RTF1: variants seen among roughly 807,000 people sequenced by gnomAD.
The protein encoded by RTF1 is RNA polymerase-associated protein RTF1 homolog.
RTF1 carries 10 observed loss-of-function variants against 95.7 expected under a neutral mutation model. The observed-to-expected ratio is 0.10, with a 90% confidence interval of 0.06 to 0.18. RTF1 has a LOEUF of 0.18. RTF1 is among the 10% of genes least tolerant of loss of function. The probability of loss-of-function intolerance (pLI) is 1.00; values close to 1 mark genes in which losing one functional copy is unlikely to be tolerated. For missense variants in RTF1, 458 were observed against 875.6 expected, an observed-to-expected ratio of 0.52 and a Z score of 6.02; for synonymous variants, 305 against 311.8, an observed-to-expected ratio of 0.98 and a Z score of 0.23.
At chr15:41,433,359 G>C (rs2050685363) in intron 1 of RTF1, among the ~76,000 whole-genome samples, 1 of 152,158 alleles carries the variant, frequency 6.6e-6, no homozygotes, top group African/African-American at 2.4e-5. Flanking sequence ...TTTTGAGACA[G>C]AGTCTCACTC....
At chr15:41,438,529 CA>C in intron 2 of RTF1, 98 bp downstream of exon 2, 1 of 711,348 alleles carries the variant, frequency 1.4e-6, no homozygotes. Flanking sequence ...TGGAGACTTA[CA>C]GCCTAAGATC....
chr15:41,469,523 C>G (rs563590767), intron 6 of RTF1, among the ~76,000 whole-genome samples: 2 of 150,152 alleles, frequency 1.3e-5, no homozygotes, highest in Non-Finnish European at 3.0e-5. Flanking sequence ...TGCCTGGCCA[C>G]GTTCCTTTTT....
At chr15:41,422,305 T>A (rs1347245483) in intron 1 of RTF1, among the ~76,000 whole-genome samples, 1 of 152,194 alleles carries the variant, frequency 6.6e-6, no homozygotes, top group African/African-American at 2.4e-5. Context: ...TGAAAGTTTT[T>A]AAAACTAAGA....
rs981860657 is a variant in RTF1 at position 41,483,104 on chromosome 15, G to C, written c.*2417G>C. On this transcript the variant is annotated 3_prime_UTR_variant, in exon 18 of 18. Coordinates refer to ENST00000389629, the MANE Select transcript of RTF1 (RefSeq NM_015138.5). ...AAGACCGAAGGGTATCTTTCCACCC[G>C]AGTAGCCTCTGTAGTGATTGGGACC... 4 of 152,624 alleles carry C rather than the reference G, an allele frequency of 2.6e-5. No individual in the cohort carries two copies. Among genetic ancestry groups the C allele is most frequent in the Admixed American group, 2.0e-4 (3 of 15,272 alleles). The allele number at this position is 152,624 out of a possible 1,614,324, so 9.5% of individuals were successfully genotyped here.
intron 8 of RTF1, among the ~76,000 whole-genome samples, chr15:41,473,567 T>G (rs1206084310): frequency 1.3e-5 from 2 of 151,932 alleles, no homozygotes; most frequent in Admixed American, 1.3e-4. Flanking sequence ...TGAGACACTG[T>G]GCCCAGCCTG....
chr15:41,471,459 A>C (rs2050911225), intron 8 of RTF1, 110 bp downstream of exon 8: 1 of 1,132,874 alleles, frequency 8.8e-7, no homozygotes, highest in East Asian at 2.6e-5. Context: ...CATTTGATGG[A>C]AAGTAGACTC....
intron 1 of RTF1, among the ~76,000 whole-genome samples, chr15:41,431,218 CTT>C (rs543088486): frequency 3.1e-5 from 4 of 129,920 alleles, no homozygotes; most frequent in Non-Finnish European, 1.6e-5. Flanking sequence ...TTTCTTTTTT[CTT>C]TTTTTTTTTT....
At chr15:41,443,492 A>G (rs1273693083) in intron 2 of RTF1, among the ~76,000 whole-genome samples, 2 of 152,156 alleles carry the variant, frequency 1.3e-5, no homozygotes, top group Admixed American at 1.3e-4. Flanking sequence ...TCTCCTTGAA[A>G]GCATTTGATC....
Position 41,466,044 on chromosome 15 carries a change from T to G in RTF1, c.778-97T>G. ...AAGCTCTAAGTTTTTGCAGCCCATATAGATTGATGTTGGAGGACTAAATGC... is the reference window on the plus strand; with the variant it reads ...AAGCTCTAAGTTTTTGCAGCCCATAGAGATTGATGTTGGAGGACTAAATGC... On this transcript the variant is annotated intron_variant, in intron 5 of 17. Coordinates refer to ENST00000389629, the MANE Select transcript of RTF1 (RefSeq NM_015138.5). 6.8e-6 allele frequency: 5 copies of G among 738,064 alleles called. No homozygotes were observed. In the Admixed American group the frequency reaches 1.5e-4, roughly 22 times the overall value. The allele number at this position is 738,064 out of a possible 1,614,324, so 45.7% of individuals were successfully genotyped here.
intron 1 of RTF1, among the ~76,000 whole-genome samples, chr15:41,430,611 C>A (rs1046013929): frequency 2.6e-5 from 4 of 151,550 alleles, no homozygotes; most frequent in African/African-American, 9.7e-5. Context: ...CGTGGTGGTG[C>A]ATGCCTGTAG....
chr15:41,471,141 AT>A (rs1486704644), intron 7 of RTF1, 30 bp from the exon 8 acceptor site: 3 of 1,558,498 alleles, frequency 1.9e-6, no homozygotes, highest in Non-Finnish European at 2.6e-6. Context: ...TATGATGAAC[AT>A]TTTTTCCAGT....
At chr15:41,424,149 A>C (rs1383822267) in intron 1 of RTF1, among the ~76,000 whole-genome samples, 1 of 152,226 alleles carries the variant, frequency 6.6e-6, no homozygotes, top group Non-Finnish European at 1.5e-5. Context: ...CAAGGAGTGT[A>C]AAGTGGAATG....
intron 16 of RTF1, 65 bp downstream of exon 16, chr15:41,479,263 C>A: frequency 8.7e-7 from 1 of 1,153,838 alleles, no homozygotes; most frequent in Non-Finnish European, 1.3e-6. Context: ...GAACAAGTAC[C>A]TTGTCTAGTT....
At position 41,482,147 on chromosome 15, in the gene RTF1, C is replaced by G. The variant is rs2050979820; in HGVS notation, c.*1460C>G. The G allele has an allele frequency of 1.3e-5, 2 of 152,426 alleles. No individual in the cohort carries two copies. Among genetic ancestry groups the G allele is most frequent in the Non-Finnish European group, 2.9e-5 (2 of 68,052 alleles). The allele number at this position is 152,426 out of a possible 1,614,324, so 9.4% of individuals were successfully genotyped here. ...GTGTGTGTGTATACATATATATGGT[C>G]AGCATATATATTGTGCAGCTAGGGC... On this transcript the variant is annotated 3_prime_UTR_variant, in exon 18 of 18. Coordinates refer to ENST00000389629, the MANE Select transcript of RTF1 (RefSeq NM_015138.5).
intron 1 of RTF1, among the ~76,000 whole-genome samples, chr15:41,428,563 C>T (rs1193411799): frequency 6.0e-5 from 9 of 150,570 alleles, no homozygotes; most frequent in South Asian, 2.1e-4. Flanking sequence ...CTACCGTGTC[C>T]GGCCCCCTAC....
chr15:41,446,627 G>A (rs944130857), intron 2 of RTF1, among the ~76,000 whole-genome samples: 10 of 152,014 alleles, frequency 6.6e-5, no homozygotes, highest in Middle Eastern at 3.2e-3. Flanking sequence ...TCTAGTGTGC[G>A]CTAAAACTTG....
Position 41,463,771 on chromosome 15 carries a change from C to T in RTF1, c.663-1000C>T, listed in dbSNP as rs377021144. 1.5e-4 allele frequency among the ~76,000 whole-genome samples: 22 copies of T among 151,718 alleles called. No individual in the cohort carries two copies. In the South Asian group the frequency reaches 3.6e-3, roughly 24 times the overall value. On this transcript the variant is annotated intron_variant, in intron 4 of 17. Transcript: ENST00000389629. ...TACTGGAATTACAGGTGTGAGCCAC[C>T]GTGCCTGGCCTCCCTTTTTGTGATA...
At chr15:41,445,050 G>A (rs1216596432) in intron 2 of RTF1, among the ~76,000 whole-genome samples, 1 of 152,070 alleles carries the variant, frequency 6.6e-6, no homozygotes, top group Non-Finnish European at 1.5e-5. Flanking sequence ...TCCTGCCTCA[G>A]CCTCCCTAGT....
Position 41,457,685 on chromosome 15 carries a change from C to T in RTF1, c.471C>T (p.Asp157=), listed in dbSNP as rs771383903. 1.2e-6 allele frequency: 2 copies of T among 1,614,074 alleles called. No homozygotes were observed. The highest frequency in any genetic ancestry group is 8.5e-7 in the Non-Finnish European group (1 of 1,179,956). Residue 157 remains aspartate, a synonymous_variant, in exon 4 of 18, where the codon GAC becomes GAT. Transcript: ENST00000389629. ...SSAPEEGEVS[D]SDSNSSSSSS... ...CCTTTGTTGCAGGTGAAGTGTCAGA[C>T]TCTGACAGCAACAGCTCCTCTTCCA...
Sources: gnomAD v4.1 joint callset for allele counts (sites outside exome capture counted in the v4.1 genomes callset) on GRCh38, gnomAD v4.1.1 for gene constraint, MANE v1.5 for transcripts, NCBI Gene and HGNC (gene_info 2026-07-23, HGNC 2026-07-21) for gene names.